The following LRRC7 variants were observed in gnomAD, a reference collection of about 807,000 sequenced individuals.
LRRC7 encodes the protein leucine rich repeat containing 7.
LRRC7 carries 23 observed loss-of-function variants against 175.7 expected under a neutral mutation model. The ratio of observed to expected loss-of-function variants is 0.13; its 90% CI spans 0.09 to 0.19. LRRC7 has a LOEUF of 0.19. LRRC7 is among the 10% of genes least tolerant of loss of function. The pLI, the probability that LRRC7 is intolerant of heterozygous loss-of-function variation, is 1.00. For missense variants in LRRC7, 1,354 were observed against 1,904.7 expected (o/e 0.71, Z 5.38); for synonymous variants, 685 against 680.9 (o/e 1.01, Z -0.09).
Position 69,781,888 on chromosome 1 carries a change from AGG to A in LRRC7, c.304-10154_304-10153del, listed in dbSNP as rs59234025. On this transcript the variant is annotated intron_variant, in intron 3 of 26. Transcript: ENST00000651989. ...AGGAAGGAAGGAAGAAAGAAAAGGAAGGAAGGAAGGGAAAGAAAGAAAAAGAA... is the reference window on the plus strand; with the variant it reads ...AGGAAGGAAGGAAGAAAGAAAAGGAAAAGGAAGGGAAAGAAAGAAAAAGAA... Among the ~76,000 whole-genome samples, 813 of 147,542 alleles carry A rather than the reference AGG, an allele frequency of 5.5e-3. 19 individuals carry two copies. Among genetic ancestry groups the A allele is most frequent in the Non-Finnish European group, 7.9e-3 (528 of 66,866 alleles).
Position 69,601,291 on chromosome 1 carries a change from A to G in LRRC7, c.2+32650A>G, listed in dbSNP as rs1172095438. Among the ~76,000 whole-genome samples the G allele has an allele frequency of 2.6e-5, 4 of 152,162 alleles. No homozygotes were observed. In the South Asian group the frequency reaches 6.2e-4, roughly 24 times the overall value. ...TTCAGAAATATTTCTGTTTGTAACC[A>G]TCTGTGTCTGTATCAGCCAAACATG... On this transcript the variant is annotated intron_variant, in intron 1 of 26. Coordinates refer to ENST00000651989, the MANE Select transcript of LRRC7 (RefSeq NM_001370785.2).
intron 24 of LRRC7, among the ~76,000 whole-genome samples, chr1:70,078,183 C>T (rs1015714577): frequency 6.6e-6 from 1 of 151,884 alleles, no homozygotes; most frequent in African/African-American, 2.4e-5. Flanking sequence ...TCACATGCAC[C>T]CCATGAATAT....
intron 4 of LRRC7, among the ~76,000 whole-genome samples, chr1:69,803,776 A>G (rs1406748809): frequency 6.6e-6 from 1 of 150,662 alleles, no homozygotes; most frequent in East Asian, 1.9e-4. Flanking sequence ...ACTTCATCAT[A>G]CTGTTTTTTT....
At chr1:69,837,471 G>T (rs1053271211) in intron 6 of LRRC7, among the ~76,000 whole-genome samples, 14 of 151,874 alleles carry the variant, frequency 9.2e-5, no homozygotes, top group Non-Finnish European at 2.1e-4. Context: ...ATTAAGAGAG[G>T]TTAAGTAATT....
At chr1:70,057,613 G>A (rs1003506624) in intron 23 of LRRC7, among the ~76,000 whole-genome samples, 2 of 150,872 alleles carry the variant, frequency 1.3e-5, no homozygotes, top group Non-Finnish European at 3.0e-5. Flanking sequence ...TTTTAATCTT[G>A]TCTCTCTAAC....
chr1:70,093,056 A>C (rs1664144457), intron 25 of LRRC7, among the ~76,000 whole-genome samples: 3 of 152,130 alleles, frequency 2.0e-5, no homozygotes, highest in Admixed American at 1.3e-4. Context: ...TTCACTGTCA[A>C]GCAGAAACTG....
chr1:69,603,092 T>C (rs1465643251), intron 1 of LRRC7, among the ~76,000 whole-genome samples: 2 of 152,064 alleles, frequency 1.3e-5, no homozygotes, highest in East Asian at 1.9e-4. Flanking sequence ...TTCCAATTTC[T>C]AGCTCTGTCT....
At chr1:70,052,876 T>G in intron 22 of LRRC7, 150 bp from the exon 23 acceptor site, 3 of 644,604 alleles carry the variant, frequency 4.7e-6, no homozygotes, top group Non-Finnish European at 7.1e-6. Flanking sequence ...TCTTACCCAG[T>G]AAATAGTATA....
At chr1:69,685,602 A>G (rs1283049903) in intron 2 of LRRC7, among the ~76,000 whole-genome samples, 3 of 152,174 alleles carry the variant, frequency 2.0e-5, no homozygotes, top group African/African-American at 7.2e-5. Context: ...CACTTAATTG[A>G]ATCAATAGTA....
intron 1 of LRRC7, 121 bp from the exon 2 acceptor site, chr1:69,678,260 G>C (rs1481499160): frequency 3.0e-6 from 2 of 673,806 alleles, no homozygotes; most frequent in Non-Finnish European, 5.1e-6. Context: ...CTCCTTGCCG[G>C]ATCATCTTCA....
intron 7 of LRRC7, among the ~76,000 whole-genome samples, chr1:69,875,965 C>T (rs76480922): frequency 0.012 from 1,893 of 152,142 alleles, 33 homozygotes; most frequent in African/African-American, 0.043. Context: ...TACCATACAA[C>T]CCTTTCCTTC....
intron 22 of LRRC7, among the ~76,000 whole-genome samples, chr1:70,048,671 C>CATGACCCCAAA (rs1482795955): frequency 3.9e-5 from 6 of 152,032 alleles, no homozygotes; most frequent in Non-Finnish European, 8.8e-5. Flanking sequence ...ATTAACTAAT[C>CATGACCCCAAA]CAAAACATAT....
At position 70,038,520 on chromosome 1, in the gene LRRC7, A is replaced by G. The variant is rs767318850; in HGVS notation, c.2696A>G (p.Lys899Arg). 6 of 1,613,928 alleles carry G rather than the reference A, an allele frequency of 3.7e-6. No homozygotes were observed. Among genetic ancestry groups the G allele is most frequent in the Middle Eastern group, 1.6e-4 (1 of 6,082 alleles). Residue 899 changes from lysine (K) to arginine (R), a missense_variant, in exon 21 of 27, where the codon AAA (lysine) becomes AGA (arginine). Transcript: ENST00000651989. The stretch of plus-strand genomic sequence containing the variant: ...GAAGACAGGACCGCTTTTCCTTCCA[A>G]ATTAGAGACAACCCCCACTACCAGC... ...PFEDRTAFPSKLETTPTTSPL... is the reference protein window; with the variant it reads ...PFEDRTAFPSRLETTPTTSPL...
At chr1:70,117,971 AT>A (rs1665967658) in intron 26 of LRRC7, among the ~76,000 whole-genome samples, 1 of 152,026 alleles carries the variant, frequency 6.6e-6, no homozygotes, top group African/African-American at 2.4e-5. Flanking sequence ...CGTAAATCAT[AT>A]GCATTTATTT....
intron 25 of LRRC7, among the ~76,000 whole-genome samples, chr1:70,094,070 G>C (rs992450919): frequency 1.3e-5 from 2 of 152,156 alleles, no homozygotes; most frequent in African/African-American, 4.8e-5. Flanking sequence ...ATCTTAAAGA[G>C]ATTAAAGAAG....
chr1:69,912,398 A>G (rs1227934507), intron 7 of LRRC7, among the ~76,000 whole-genome samples: 1 of 152,150 alleles, frequency 6.6e-6, no homozygotes, highest in South Asian at 2.1e-4. Context: ...TTTTTTCAGT[A>G]ACATTCAACA....
intron 7 of LRRC7, among the ~76,000 whole-genome samples, chr1:69,928,557 C>T (rs994741835): frequency 1.3e-5 from 2 of 152,340 alleles, no homozygotes; most frequent in African/African-American, 4.8e-5. Context: ...AGTTTGATCT[C>T]AGACTGCTGT....
intron 2 of LRRC7, among the ~76,000 whole-genome samples, chr1:69,695,417 T>A (rs1015528685): frequency 1.3e-5 from 2 of 152,202 alleles, no homozygotes; most frequent in Non-Finnish European, 2.9e-5. Context: ...TAATTGAAAG[T>A]GAAGCACAGC....
chr1:69,575,839 A>G (rs1645923283), intron 1 of LRRC7, among the ~76,000 whole-genome samples: 1 of 152,182 alleles, frequency 6.6e-6, no homozygotes, highest in Admixed American at 6.5e-5. Flanking sequence ...GGCTTTCTAT[A>G]AACTATTACT....
Sources: gnomAD v4.1 joint callset for allele counts (sites outside exome capture counted in the v4.1 genomes callset) on GRCh38, gnomAD v4.1.1 for gene constraint, MANE v1.5 for transcripts, NCBI Gene and HGNC (gene_info 2026-07-23, HGNC 2026-07-21) for gene names.